Variants in DTYMK observed in about 807,000 individuals in gnomAD.
The protein encoded by DTYMK is deoxythymidylate kinase, also known as thymidylate kinase.
A neutral mutation model predicts 20.3 loss-of-function variants in DTYMK; 20 were observed. The observed-to-expected ratio is 0.99, with a 90% CI of 0.69 to 1.43. The LOEUF (loss-of-function observed/expected upper bound fraction) is 1.43, where lower values mean the gene tolerates loss of function less well. Among genes scored for constraint, DTYMK ranks in the 40% most tolerant of loss-of-function variants. The pLI, the probability that DTYMK is intolerant of heterozygous loss-of-function variation, is 0.00. For missense variants in DTYMK, 320 were observed against 291.1 expected, an observed-to-expected ratio of 1.10 and a Z score of -0.72; for synonymous variants, 148 against 124.4, an observed-to-expected ratio of 1.19 and a Z score of -1.27.
chr2:241,684,188 GT>G (rs2069327077), intron 2 of DTYMK, among the ~76,000 whole-genome samples: 1 of 152,104 alleles, frequency 6.6e-6, no homozygotes, highest in Non-Finnish European at 1.5e-5. Context: ...GTAGCCCTGG[GT>G]ACCTGGGATA....
At chr2:241,682,760 T>A (rs1057236633) in intron 2 of DTYMK, 15 of 160,758 alleles carry the variant, frequency 9.3e-5, no homozygotes, top group African/African-American at 3.3e-4. Context: ...CATCACTAAC[T>A]AAAAAATAGA....
At chr2:241,678,937 T>A (rs2069180126) in intron 3 of DTYMK, among the ~76,000 whole-genome samples, 1 of 152,192 alleles carries the variant, frequency 6.6e-6, no homozygotes, top group South Asian at 2.1e-4. Context: ...CCAGCACAGC[T>A]ACAGGCCTGC....
intron 2 of DTYMK, chr2:241,682,181 A>T (rs1475183238): frequency 2.2e-6 from 1 of 449,302 alleles, no homozygotes; most frequent in Non-Finnish European, 4.5e-6. Flanking sequence ...CGCTACAAAA[A>T]ATTTTACAAA....
rs1321113941 is a variant in DTYMK at position 241,686,608 on chromosome 2, C to G, written c.130+46G>C. ...GCGGAGCAAAGAGCCCCTGGGAAGG[C>G]AGAGGCACCGAAGGCCGCGGCGCAC... On this transcript the variant is annotated intron_variant, in intron 1 of 4. Coordinates refer to ENST00000305784, the MANE Select transcript of DTYMK (RefSeq NM_012145.4). The G allele has an allele frequency of 5.5e-6, 8 of 1,462,238 alleles. No individual in the cohort carries two copies. In the East Asian group the frequency reaches 2.1e-4, roughly 39 times the overall value. 90.6% of individuals were successfully genotyped at this position (1,462,238 alleles called of 1,614,324 possible).
intron 2 of DTYMK, chr2:241,684,990 G>A: frequency 4.3e-6 from 1 of 232,118 alleles, no homozygotes; most frequent in Non-Finnish European, 9.3e-6. Flanking sequence ...AGGGGTTTGA[G>A]ACCAGCCTGG....
At chr2:241,676,669 C>T (rs1274793093) in intron 4 of DTYMK, among the ~76,000 whole-genome samples, 1 of 152,220 alleles carries the variant, frequency 6.6e-6, no homozygotes, top group Non-Finnish European at 1.5e-5. Flanking sequence ...CATGATGTGC[C>T]AACTGCCCAC....
intron 4 of DTYMK, among the ~76,000 whole-genome samples, chr2:241,676,887 A>G (rs2069129654): frequency 6.6e-6 from 1 of 152,248 alleles, no homozygotes; most frequent in African/African-American, 2.4e-5. Flanking sequence ...CCTGCCTGGA[A>G]GGTGAGGAAG....
At chr2:241,685,988 A>C (rs2069386827) in intron 1 of DTYMK, 111 bp from the exon 2 acceptor site, 1 of 1,125,828 alleles carries the variant, frequency 8.9e-7, no homozygotes, top group African/African-American at 1.6e-5. Context: ...GTTGAATTTT[A>C]CTTTACTAAA....
intron 4 of DTYMK, 133 bp downstream of exon 4, chr2:241,678,319 C>T: frequency 1.6e-6 from 2 of 1,272,334 alleles, no homozygotes; most frequent in Non-Finnish European, 2.2e-6. Flanking sequence ...TGAACGACTA[C>T]TCCCGGGGCT....
At chr2:241,685,706 C>T in intron 2 of DTYMK, 63 bp downstream of exon 2, 1 of 1,506,698 alleles carries the variant, frequency 6.6e-7, no homozygotes, top group Non-Finnish European at 9.2e-7. Flanking sequence ...GTGCTGCGTT[C>T]ACTGAATCTC....
chr2:241,686,593 G>A, intron 1 of DTYMK, 61 bp downstream of exon 1: 2 of 1,425,588 alleles, frequency 1.4e-6, no homozygotes, highest in Non-Finnish European at 1.8e-6. Context: ...GCGGAGCAAA[G>A]AGCCCCTGGG....
rs528291422 is a variant in DTYMK at position 241,684,979 on chromosome 2, C to T, written c.239+790G>A. 1.2e-5 allele frequency: 3 copies of T among 254,174 alleles called. No homozygotes were observed. The East Asian group carries it at 3.0e-4, about 25-fold the overall frequency. 15.7% of individuals were successfully genotyped at this position (254,174 alleles called of 1,614,324 possible). A position where few individuals can be genotyped will look rare whatever the true frequency, so the allele number is the denominator to read the frequency against. ...CTTTAAAACATTAAGTCTATGAGGC[C>T]AGGGGTTTGAGACCAGCCTGGGCGT... On this transcript the variant is annotated intron_variant, in intron 2 of 4. Transcript: ENST00000305784.
Position 241,686,738 on chromosome 2 carries a change from G to C in DTYMK, c.46C>G (p.Arg16Gly). Reference protein sequence around the residue: ...GALIVLEGVDRAGKSTQSRKL... With the variant: ...GALIVLEGVDGAGKSTQSRKL... Reference sequence around the variant, plus strand: ...CGGCTCTGCGTGCTCTTCCCGGCGCGGTCCACGCCCTCCAGCACTATGAGA... The same window carrying C: ...CGGCTCTGCGTGCTCTTCCCGGCGCCGTCCACGCCCTCCAGCACTATGAGA... Residue 16 changes from arginine to glycine, a missense_variant, in exon 1 of 5, where the codon CGC becomes GGC. Transcript: ENST00000305784. 1.3e-6 allele frequency: 2 copies of C among 1,545,890 alleles called. No homozygotes were observed. Among genetic ancestry groups the C allele is most frequent in the Non-Finnish European group, 8.6e-7 (1 of 1,159,630 alleles).
In DTYMK at chr2:241,686,706, C is replaced by T; in HGVS notation, c.78G>A (p.Leu26=). 1 of 1,543,102 alleles carries T rather than the reference C, an allele frequency of 6.5e-7. No individual in the cohort carries two copies. The highest frequency in any genetic ancestry group is 8.6e-7 in the Non-Finnish European group (1 of 1,157,100). The change falls in exon 1 of 5, where the codon CTG becomes CTA. Residue 26 remains leucine, a synonymous_variant. Coordinates refer to ENST00000305784, the MANE Select transcript of DTYMK (RefSeq NM_012145.4). The part of the protein sequence containing the change: ...RAGKSTQSRK[L]VEALCAAGHR... ...GGCCCGCGGCGCACAGCGCTTCCACCAGCTTGCGGCTCTGCGTGCTCTTCC... is the reference window on the plus strand; with the variant it reads ...GGCCCGCGGCGCACAGCGCTTCCACTAGCTTGCGGCTCTGCGTGCTCTTCC...
intron 2 of DTYMK, chr2:241,681,983 G>C: frequency 3.4e-6 from 1 of 291,822 alleles, no homozygotes; most frequent in Non-Finnish European, 6.7e-6. Flanking sequence ...GTTTAAGGCT[G>C]CAGTAAGCTG....
At chr2:241,686,572 C>T in intron 1 of DTYMK, 82 bp downstream of exon 1, 1 of 1,397,048 alleles carries the variant, frequency 7.2e-7, no homozygotes, top group Non-Finnish European at 9.2e-7. Flanking sequence ...ACGCCAGCCG[C>T]AGACAACGAA....
chr2:241,677,705 C>T (rs1482622412), intron 4 of DTYMK, among the ~76,000 whole-genome samples: 1 of 152,198 alleles, frequency 6.6e-6, no homozygotes, highest in African/African-American at 2.4e-5. Context: ...GAGAGTCCAG[C>T]GTCCTGGGAG....
rs984301835 is a variant in DTYMK at position 241,685,849 on chromosome 2, C to T, written c.159G>A (p.Leu53=). The change falls in exon 2 of 5, where the codon CTG becomes CTA. Residue 53 remains leucine, a synonymous_variant. Coordinates refer to ENST00000305784, the MANE Select transcript of DTYMK (RefSeq NM_012145.4). ...PERSTEIGKL[L]SSYLQKKSDV... ...CACTTTTCTTTTGCAAGTAGGAACT[C>T]AGAAGTTTGCCGATTTCAGTTGATC... is the stretch of plus-strand genomic sequence containing the variant. 2 of 1,614,158 alleles carry T rather than the reference C, an allele frequency of 1.2e-6. No homozygotes were observed. Among genetic ancestry groups the T allele is most frequent in the Admixed American group, 1.7e-5 (1 of 60,002 alleles).
rs376752891 is a variant in DTYMK, at chr2:241,680,276, C to T, written c.283G>A (p.Val95Met). The T allele has an allele frequency of 1.0e-4, 164 of 1,614,066 alleles. No individual in the cohort carries two copies. Among genetic ancestry groups the T allele is most frequent in the Non-Finnish European group, 1.2e-4 (143 of 1,180,038 alleles). The change falls in exon 3 of 5, where the codon GTG becomes ATG. Residue 95 changes from valine to methionine, a missense_variant. Physicochemically the swap from Val to Met is conservative, Grantham distance 21. Transcript: ENST00000305784. The stretch of plus-strand genomic sequence containing the variant: ...ACACCAGAAAATGCGTATCTGTCCA[C>T]GACGAGGGTCACGCCCTGGCTCAAC... ...EKLSQGVTLV[V>M]DRYAFSGVAF...
Sources: allele counts gnomAD v4.1 joint callset (sites outside exome capture counted in the v4.1 genomes callset), GRCh38; gene constraint gnomAD v4.1.1; transcripts MANE v1.5; gene names NCBI Gene and HGNC (gene_info 2026-07-23, HGNC 2026-07-21).